ANO6: variants seen among roughly 807,000 people sequenced by gnomAD.
ANO6 encodes the protein anoctamin 6.
In ANO6, 106 loss-of-function variants were observed where a neutral mutation model predicts 117.5. That is an observed-to-expected ratio of 0.90 (90% confidence interval 0.77 to 1.06). The LOEUF (loss-of-function observed/expected upper bound fraction) is 1.06, where lower values mean the gene tolerates loss of function less well. ANO6 is among the 50% of genes least tolerant of loss of function. The pLI, the probability that ANO6 is intolerant of heterozygous loss-of-function variation, is 0.00. For synonymous variants in ANO6, 367 were observed against 385.1 expected, an observed-to-expected ratio of 0.95 and a Z score of 0.55; for missense variants, 955 against 1,121.1, an observed-to-expected ratio of 0.85 and a Z score of 2.12.
At chr12:45,254,702 G>A (rs754877543) in intron 1 of ANO6, among the ~76,000 whole-genome samples, 2 of 152,106 alleles carry the variant, frequency 1.3e-5, no homozygotes, top group African/African-American at 2.4e-5. Flanking sequence ...TTTTTCATTC[G>A]ATGGATACTT....
intron 1 of ANO6, among the ~76,000 whole-genome samples, chr12:45,236,476 G>T (rs1448487302): frequency 3.3e-5 from 5 of 152,148 alleles, no homozygotes; most frequent in African/African-American, 1.2e-4. Context: ...ATGAGAACAT[G>T]AGTTTGGTTT....
chr12:45,259,377 A>C (rs1816443041), intron 1 of ANO6, among the ~76,000 whole-genome samples: 2 of 152,208 alleles, frequency 1.3e-5, no homozygotes, highest in Non-Finnish European at 2.9e-5. Context: ...GAGTCATTGG[A>C]TTTCACTAGA....
rs1418772869 is a variant in ANO6, at chr12:45,322,154, G to C, written c.151-9141G>C. 3.3e-5 allele frequency among the ~76,000 whole-genome samples: 5 copies of C among 152,170 alleles called. No homozygotes were observed. The East Asian group carries it at 9.7e-4, about 29-fold the overall frequency. ...GTTTTGATCTTGCAGGTTCCCCAGA[G>C]GTCTGTGGAGCACACATCCATTGGC... On this transcript the variant is annotated intron_variant, in intron 2 of 19. Transcript: ENST00000320560.
At chr12:45,325,035 TG>T (rs1940412599) in intron 2 of ANO6, among the ~76,000 whole-genome samples, 1 of 151,884 alleles carries the variant, frequency 6.6e-6, no homozygotes, top group African/African-American at 2.4e-5. Context: ...TAAAGATAGT[TG>T]AAGTATATAA....
intron 1 of ANO6, among the ~76,000 whole-genome samples, chr12:45,293,614 G>A (rs1436918924): frequency 6.6e-6 from 1 of 151,700 alleles, no homozygotes; most frequent in African/African-American, 2.4e-5. Context: ...AGGCTGGAGT[G>A]CAGTGGCATG....
intron 1 of ANO6, among the ~76,000 whole-genome samples, chr12:45,242,245 C>G (rs1015818248): frequency 6.6e-6 from 1 of 152,354 alleles, no homozygotes; most frequent in Non-Finnish European, 1.5e-5. Context: ...TTTGAGCTTC[C>G]CGGTCACTTT....
At chr12:45,346,011 G>T in intron 3 of ANO6, among the ~76,000 whole-genome samples, 1 of 119,348 alleles carries the variant, frequency 8.4e-6, no homozygotes, top group Admixed American at 9.6e-5. Flanking sequence ...AACAAAAGGG[G>T]GCCAAACTTT....
At chr12:45,383,519 G>A (rs7299836) in intron 10 of ANO6, among the ~76,000 whole-genome samples, 23,971 of 151,954 alleles carry the variant, frequency 0.16, 2,699 homozygotes, top group East Asian at 0.46. Flanking sequence ...TGGCAGCTGT[G>A]GCCTTACTAA....
At chr12:45,285,170 T>C (rs4768087) in intron 1 of ANO6, among the ~76,000 whole-genome samples, 139,585 of 152,202 alleles carry the variant, frequency 0.92, 64,679 homozygotes, top group Non-Finnish European at 0.99. Context: ...GTTGGGATTC[T>C]AGAAGAAATG....
intron 12 of ANO6, among the ~76,000 whole-genome samples, chr12:45,393,025 AGGTCG>A (rs1311121043): frequency 6.6e-6 from 1 of 152,210 alleles, no homozygotes; most frequent in Non-Finnish European, 1.5e-5. Context: ...AGGCTTCAGA[AGGTCG>A]GTAATAACAG....
chr12:45,286,990 G>C (rs7953522), intron 1 of ANO6, among the ~76,000 whole-genome samples: 150,015 of 152,330 alleles, frequency 0.98, 73,923 homozygotes, highest in Middle Eastern at 1. Context: ...AGTCATTCAA[G>C]AGATTAATGA....
intron 3 of ANO6, among the ~76,000 whole-genome samples, chr12:45,339,091 A>G (rs1220924645): frequency 1.3e-5 from 2 of 152,118 alleles, no homozygotes; most frequent in South Asian, 2.1e-4. Context: ...ATTCTCTCAT[A>G]AAACAGGCTT....
chr12:45,342,193 G>C (rs1940999304), intron 3 of ANO6, among the ~76,000 whole-genome samples: 1 of 152,146 alleles, frequency 6.6e-6, no homozygotes, highest in Non-Finnish European at 1.5e-5. Context: ...GCTGTTTGTT[G>C]GAACAAAATC....
chr12:45,220,932 A>C (rs2137118385), intron 1 of ANO6, among the ~76,000 whole-genome samples: 1 of 152,342 alleles, frequency 6.6e-6, no homozygotes, highest in South Asian at 2.1e-4. Flanking sequence ...ATAAGAACCC[A>C]AAAATTCTGT....
At chr12:45,310,651 A>T (rs1265331462) in intron 2 of ANO6, among the ~76,000 whole-genome samples, 1 of 152,128 alleles carries the variant, frequency 6.6e-6, no homozygotes, top group African/African-American at 2.4e-5. Flanking sequence ...ACAGAAGCTC[A>T]TGCTGCCCAA....
At chr12:45,313,687 AC>A (rs1565682184) in intron 2 of ANO6, among the ~76,000 whole-genome samples, 11 of 152,074 alleles carry the variant, frequency 7.2e-5, no homozygotes, top group Non-Finnish European at 1.2e-4. Flanking sequence ...AAGTACAGTT[AC>A]AGACACTTAA....
chr12:45,421,197 A>G lies in ANO6; in HGVS notation c.2344A>G (p.Ile782Val). 2.5e-6 allele frequency: 4 copies of G among 1,614,152 alleles called. No individual in the cohort carries two copies. The highest frequency in any genetic ancestry group is 2.2e-5 in the South Asian group (2 of 91,086). ...MEGYINNTLS[I>V]FKVADFKNKS... ...AGGGTACATCAACAACACTCTCTCCATCTTCAAAGTCGCAGACTTCAAAAA... is the reference window on the plus strand; with the variant it reads ...AGGGTACATCAACAACACTCTCTCCGTCTTCAAAGTCGCAGACTTCAAAAA... The change falls in exon 18 of 20, where the codon ATC (isoleucine) becomes GTC (valine). Residue 782 changes from isoleucine (I) to valine (V), a missense_variant. Ile to Val is a conservative substitution (Grantham distance 29). Transcript: ENST00000320560.
At chr12:45,406,293 G>A (rs537389277) in intron 15 of ANO6, among the ~76,000 whole-genome samples, 11 of 152,298 alleles carry the variant, frequency 7.2e-5, no homozygotes, top group African/African-American at 2.4e-4. Flanking sequence ...AGTGAGACCC[G>A]GAGAGCAAGC....
chr12:45,308,164 G>C (rs1259574755), intron 2 of ANO6, among the ~76,000 whole-genome samples: 1 of 142,536 alleles, frequency 7.0e-6, no homozygotes, highest in Non-Finnish European at 1.5e-5. Context: ...TGTTTGTCAG[G>C]TAGTGGGAGC....
Sources: allele counts gnomAD v4.1 joint callset (sites outside exome capture counted in the v4.1 genomes callset), GRCh38; gene constraint gnomAD v4.1.1; transcripts MANE v1.5; gene names NCBI Gene and HGNC (gene_info 2026-07-23, HGNC 2026-07-21).